The following DERA variants were observed in gnomAD, a reference collection of about 807,000 sequenced individuals.
DERA encodes 2-deoxy-D-ribose 5-phosphate aldolase.
A neutral mutation model predicts 41.1 loss-of-function variants in DERA; 15 were observed. The ratio of observed to expected loss-of-function variants is 0.37; its 90% CI spans 0.24 to 0.56. DERA has a LOEUF of 0.56. Among genes scored for constraint, DERA ranks in the 20% least tolerant of loss-of-function variants. The pLI is 0.81. For missense variants in DERA, 396 were observed against 403.4 expected, an observed-to-expected ratio of 0.98 and a Z score of 0.16; for synonymous variants, 139 against 137.4, an observed-to-expected ratio of 1.01 and a Z score of -0.08.
chr12:15,988,881 C>G lies in DERA; in HGVS notation c.637+6445C>G, dbSNP rs1948783621. On this transcript the variant is annotated intron_variant, in intron 6 of 8. Transcript: ENST00000428559. This position sits in a 1 kb window ranked among gnomAD's most constrained non-coding sequence, Gnocchi z 6.0. ...GGCCTTTCTCCTATGCTTGTTGTCG[C>G]CCAAAGTCCAGAGGGGGCCAAGGCG... Among the ~76,000 whole-genome samples the G allele has an allele frequency of 1.3e-5, 2 of 152,218 alleles. No homozygotes were observed. The highest frequency in any genetic ancestry group is 4.8e-5 in the African/African-American group (2 of 41,460).
rs187295189 is a variant in DERA, at chr12:15,914,296, C to T, written c.31+2882C>T. Among the ~76,000 whole-genome samples the T allele has an allele frequency of 2.3e-4, 35 of 151,660 alleles. No individual in the cohort carries two copies. The East Asian group carries it at 3.7e-3, about 16-fold the overall frequency. On this transcript the variant is annotated intron_variant, in intron 1 of 8. Coordinates refer to ENST00000428559, the MANE Select transcript of DERA (RefSeq NM_015954.4). ...ACTTGGGAAGCTGAGGTACGAGAAT[C>T]GCTTGAACCCAGAGAGTGGAGGTTG...
At chr12:15,950,230 G>T (rs550696789) in intron 1 of DERA, among the ~76,000 whole-genome samples, 98 of 152,312 alleles carry the variant, frequency 6.4e-4, no homozygotes, top group African/African-American at 2.3e-3. Context: ...AGCCCTGAGG[G>T]CTTCTGGTTG....
intron 6 of DERA, among the ~76,000 whole-genome samples, chr12:16,006,921 C>A (rs977090149): frequency 2.6e-5 from 4 of 152,206 alleles, no homozygotes; most frequent in Non-Finnish European, 4.4e-5. Flanking sequence ...ACTTCCACAG[C>A]CTTCTCAGCC....
In DERA at chr12:16,000,732, G is replaced by T. The variant is rs1011153270; in HGVS notation, c.637+18296G>T. On this transcript the variant is annotated intron_variant, in intron 6 of 8. Transcript: ENST00000428559. This position sits in a 1 kb window ranked among gnomAD's most constrained non-coding sequence, Gnocchi z 4.8. ...ACGTTAGCTGCTATCACACTGGCTTGATATTAACATTCTAGTGAATAATTA... is the reference window on the plus strand; with the variant it reads ...ACGTTAGCTGCTATCACACTGGCTTTATATTAACATTCTAGTGAATAATTA... Among the ~76,000 whole-genome samples the T allele has an allele frequency of 2.0e-5, 3 of 152,168 alleles. No homozygotes were observed. Among genetic ancestry groups the T allele is most frequent in the African/African-American group, 7.2e-5 (3 of 41,458 alleles).
chr12:15,931,646 C>T lies in DERA; in HGVS notation c.31+20232C>T, dbSNP rs961256537. Among the ~76,000 whole-genome samples the T allele has an allele frequency of 2.1e-4, 32 of 152,136 alleles. No individual in the cohort carries two copies. The highest frequency in any genetic ancestry group is 3.5e-4 in the Non-Finnish European group (24 of 68,032). On this transcript the variant is annotated intron_variant, in intron 1 of 8. Transcript: ENST00000428559. The surrounding 1 kb of genome is among the most constrained non-coding windows in gnomAD (Gnocchi z 4.6). ...CTATGGTTTGGATGTGGTTTGTCTA[C>T]ACTAAAGCTGATGTTCAAATTTGAT...
At chr12:15,963,386 A>C (rs914083834) in intron 5 of DERA, among the ~76,000 whole-genome samples, 15 of 152,160 alleles carry the variant, frequency 9.9e-5, no homozygotes, top group Non-Finnish European at 2.9e-5. Context: ...CAGTCTTTAA[A>C]GGTATGGGAT....
Position 16,036,930 on chromosome 12 carries a change from G to C in DERA, c.*184G>C. The C allele has an allele frequency of 1.8e-6, 1 of 570,864 alleles. No homozygotes were observed. Among genetic ancestry groups the C allele is most frequent in the Non-Finnish European group, 3.1e-6 (1 of 324,710 alleles). 35.4% of individuals were successfully genotyped at this position (570,864 alleles called of 1,614,324 possible). ...TCATCCACATGTGGTACTCATTTCAGGCACATCTGAAATGATCTTAATTAC... is the reference window on the plus strand; with the variant it reads ...TCATCCACATGTGGTACTCATTTCACGCACATCTGAAATGATCTTAATTAC... On this transcript the variant is annotated 3_prime_UTR_variant, in exon 9 of 9. Transcript: ENST00000428559. This position sits in a 1 kb window ranked among gnomAD's most constrained non-coding sequence, Gnocchi z 4.9.
At position 16,008,892 on chromosome 12, in the gene DERA, C is replaced by CA. The variant is rs1339389205; in HGVS notation, c.638-23647dup. ...GGGAAAGAAAGGACGTAGAGAACTA[C>CA]AAACTTGATAAGGTAGAAACTGCAA... is the stretch of plus-strand genomic sequence containing the variant. On this transcript the variant is annotated intron_variant, in intron 6 of 8. Transcript: ENST00000428559. The surrounding 1 kb of genome is among the most constrained non-coding windows in gnomAD (Gnocchi z 4.8). Among the ~76,000 whole-genome samples, 4 of 152,172 alleles carry CA rather than the reference C, an allele frequency of 2.6e-5. No individual in the cohort carries two copies. The highest frequency in any genetic ancestry group is 5.9e-5 in the Non-Finnish European group (4 of 68,038).
chr12:15,930,940 G>C (rs1401066146), intron 1 of DERA, among the ~76,000 whole-genome samples: 7 of 152,072 alleles, frequency 4.6e-5, no homozygotes, highest in Non-Finnish European at 8.8e-5. Flanking sequence ...TGTGGTAATA[G>C]GGCAGTAAGT....
chr12:15,955,825 G>A (rs1948534028), intron 1 of DERA, among the ~76,000 whole-genome samples: 1 of 152,134 alleles, frequency 6.6e-6, no homozygotes, highest in East Asian at 1.9e-4. Context: ...GTGATTAGCA[G>A]TTTTCCTCAT....
At chr12:16,032,964 A>G (rs1949103089) in intron 7 of DERA, 1 of 275,940 alleles carries the variant, frequency 3.6e-6, no homozygotes, top group East Asian at 1.1e-4. Context: ...TTAACGAACT[A>G]ATTCTGCTGC....
chr12:15,989,578 G>C lies in DERA; in HGVS notation c.637+7142G>C, dbSNP rs1013312272. Among the ~76,000 whole-genome samples, 1 of 152,130 alleles carries C rather than the reference G, an allele frequency of 6.6e-6. No individual in the cohort carries two copies. Among genetic ancestry groups the C allele is most frequent in the East Asian group, 1.9e-4 (1 of 5,204 alleles). On this transcript the variant is annotated intron_variant, in intron 6 of 8. Coordinates refer to ENST00000428559, the MANE Select transcript of DERA (RefSeq NM_015954.4). The surrounding 1 kb of genome is among the most constrained non-coding windows in gnomAD (Gnocchi z 5.2). ...TTGAGCTTTTAATTTTTTAGTGCCTGAGTTTTATTGTTATTTATAGCAGGA... is the reference window on the plus strand; with the variant it reads ...TTGAGCTTTTAATTTTTTAGTGCCTCAGTTTTATTGTTATTTATAGCAGGA...
intron 5 of DERA, among the ~76,000 whole-genome samples, chr12:15,963,283 T>C (rs539442963): frequency 1.6e-4 from 25 of 152,262 alleles, no homozygotes; most frequent in Non-Finnish European, 2.9e-4. Flanking sequence ...TACTGTTTTG[T>C]TACTCAATAC....
At position 15,967,188 on chromosome 12, in the gene DERA, TA is replaced by T. The variant is rs879510254; in HGVS notation, c.508+4254del. Among the ~76,000 whole-genome samples, 943 of 141,774 alleles carry T rather than the reference TA, an allele frequency of 6.7e-3. 6 individuals are homozygous for T. Among genetic ancestry groups the T allele is most frequent in the Non-Finnish European group, 8.2e-3 (532 of 64,536 alleles). 93.0% of individuals were successfully genotyped at this position (141,774 alleles called of 152,430 possible). On this transcript the variant is annotated intron_variant, in intron 5 of 8. Transcript: ENST00000428559. This position sits in a 1 kb window ranked among gnomAD's most constrained non-coding sequence, Gnocchi z 4.9. ...AACATGGCAAAACCCCATCTCTGCA[TA>T]AAAAAAAAAAAATGCAAAAATTAGC...
At position 15,959,833 on chromosome 12, in the gene DERA, T is replaced by C; in HGVS notation, c.282T>C (p.Ile94=). ...ATTCCTATTTTTTCTTGATAGGCAT[T>C]ACTACAGCCGCCGTTTGTGTTTATC... is the stretch of plus-strand genomic sequence containing the variant. ...LKALNMHDKG[I]TTAAVCVYPA... Residue 94 remains isoleucine (I), a synonymous_variant, in exon 4 of 9, where the codon ATT becomes ATC. Transcript: ENST00000428559. The surrounding 1 kb of genome is among the most constrained non-coding windows in gnomAD (Gnocchi z 4.5). 5 of 1,542,712 alleles carry C rather than the reference T, an allele frequency of 3.2e-6. No individual in the cohort carries two copies. The highest frequency in any genetic ancestry group is 4.4e-6 in the Non-Finnish European group (5 of 1,140,062).
intron 1 of DERA, among the ~76,000 whole-genome samples, chr12:15,933,831 T>G (rs986565304): frequency 6.6e-6 from 1 of 152,146 alleles, no homozygotes; most frequent in Admixed American, 6.5e-5. Flanking sequence ...CATCTTTTCA[T>G]AGTGACAGAG....
intron 6 of DERA, among the ~76,000 whole-genome samples, chr12:16,006,235 A>G (rs759567143): frequency 1.1e-4 from 16 of 152,298 alleles, no homozygotes; most frequent in Middle Eastern, 3.4e-3. Context: ...AATGAAAAGA[A>G]GTCAGGACAT....
In DERA at chr12:15,985,728, CAG is replaced by C. The variant is rs1948759904; in HGVS notation, c.637+3297_637+3298del. Among the ~76,000 whole-genome samples the C allele has an allele frequency of 6.6e-6, 1 of 152,084 alleles. No individual in the cohort carries two copies. Among genetic ancestry groups the C allele is most frequent in the Admixed American group, 6.5e-5 (1 of 15,274 alleles). On this transcript the variant is annotated intron_variant, in intron 6 of 8. Transcript: ENST00000428559. This position sits in a 1 kb window ranked among gnomAD's most constrained non-coding sequence, Gnocchi z 4.2. ...TTATAATTTAAGATTTTGTTATCCT[CAG>C]AGAGTATCCATTGTAAGAATCTTTT...
In DERA at chr12:15,967,092, G is replaced by A. The variant is rs555081149; in HGVS notation, c.508+4145G>A. ...AGGCCGGGCACAGTGGCTTATGCCT[G>A]TAATCCCAGCACTCTGGGAGGCTGA... On this transcript the variant is annotated intron_variant, in intron 5 of 8. Transcript: ENST00000428559. This position sits in a 1 kb window ranked among gnomAD's most constrained non-coding sequence, Gnocchi z 4.9. Among the ~76,000 whole-genome samples the A allele has an allele frequency of 8.2e-4, 125 of 152,130 alleles. No homozygotes were observed. The highest frequency in any genetic ancestry group is 6.8e-3 in the Middle Eastern group (2 of 294).
Sources: allele counts gnomAD v4.1 joint callset (sites outside exome capture counted in the v4.1 genomes callset), GRCh38; gene constraint gnomAD v4.1.1; non-coding constraint Gnocchi (gnomAD v3.1); transcripts MANE v1.5; gene names NCBI Gene and HGNC (gene_info 2026-07-23, HGNC 2026-07-21).